AKAP17A: variants seen among roughly 807,000 people sequenced by gnomAD.
AKAP17A encodes A-kinase anchoring protein 17A, also known as A-kinase anchor protein 17A.
Under a neutral mutation model 52.2 loss-of-function variants are expected in AKAP17A, and 15 were observed. That is an observed-to-expected ratio of 0.29 (90% CI 0.19 to 0.44). AKAP17A has a LOEUF of 0.44. Ranked by LOEUF, AKAP17A falls within the 20% of genes least tolerant of loss-of-function variation. The pLI is 1.00. For synonymous variants in AKAP17A, 514 were observed against 424.7 expected, an observed-to-expected ratio of 1.21 and a Z score of -2.58; for missense variants, 1,060 against 1,007.0, an observed-to-expected ratio of 1.05 and a Z score of -0.71.
rs756475564 is a variant in AKAP17A, at chrX:1,601,494, G to A, written c.1988G>A (p.Arg663Gln). The change falls in exon 5 of 5, where the codon CGG (arginine) becomes CAG (glutamine). Residue 663 changes from arginine to glutamine, a missense_variant. Transcript: ENST00000313871. The stretch of plus-strand genomic sequence containing the variant: ...CACCGGAGGGAGCGGAGCCGGGAGC[G>A]GAGGGGCAGCGCCAGCAGGAAGCAC... The part of the protein sequence containing the change: ...DRHRRERSRE[R>Q]RGSASRKHSR... 24 of 1,547,844 alleles carry A rather than the reference G, an allele frequency of 1.6e-5. 1 individual carries two copies. The highest frequency in any genetic ancestry group is 7.9e-5 in the Admixed American group (4 of 50,756).
intron 3 of AKAP17A, among the ~76,000 whole-genome samples, chrX:1,598,149 G>A (rs1191898267): frequency 6.6e-6 from 1 of 152,222 alleles, no homozygotes; most frequent in Non-Finnish European, 1.5e-5. Flanking sequence ...AGGGCGTGCT[G>A]TGTGCTGGGC....
chrX:1,597,057 C>G (rs1221063963), intron 3 of AKAP17A, among the ~76,000 whole-genome samples: 5 of 152,218 alleles, frequency 3.3e-5, no homozygotes, highest in Non-Finnish European at 5.9e-5. Context: ...CTGGGGGGCT[C>G]CTGGACAGCC....
chrX:1,599,471 G>A (rs1294187165), intron 4 of AKAP17A, 39 bp downstream of exon 4: 69 of 1,552,058 alleles, frequency 4.4e-5, no homozygotes, highest in African/African-American at 1.1e-4. Flanking sequence ...AGCCGCGCCC[G>A]GGCTGCCCTC....
intron 3 of AKAP17A, among the ~76,000 whole-genome samples, chrX:1,596,235 A>AC (rs199626969): frequency 0.03 from 4,526 of 151,148 alleles, 245 homozygotes; most frequent in African/African-American, 0.11. Context: ...TTAAAAAAAA[A>AC]AAAAAAAACA....
intron 3 of AKAP17A, among the ~76,000 whole-genome samples, chrX:1,598,688 G>A (rs182574182): frequency 2.6e-4 from 40 of 152,266 alleles, no homozygotes; most frequent in Non-Finnish European, 5.0e-4. Context: ...GCTGAGTGGC[G>A]TGGCTGTGGT....
intron 4 of AKAP17A, 161 bp downstream of exon 4, chrX:1,599,593 G>A: frequency 9.9e-7 from 1 of 1,008,942 alleles, no homozygotes; most frequent in Non-Finnish European, 1.5e-6. Context: ...TCCCGGGAGG[G>A]TGTAGCGCTC....
intron 3 of AKAP17A, among the ~76,000 whole-genome samples, chrX:1,595,867 T>C (rs1932952184): frequency 6.6e-6 from 1 of 151,026 alleles, no homozygotes; most frequent in Admixed American, 6.6e-5. Flanking sequence ...ATAGCACACA[T>C]GTGCCTGTGT....
Position 1,599,683 on chromosome X carries a change from G to T in AKAP17A, c.1152+251G>T, listed in dbSNP as rs760759287. ...TGCATTCAGGTTCCCCGAGCAGGCT[G>T]GCAGCCTCCCGGGGGCCAGGGCAGA... is the stretch of plus-strand genomic sequence containing the variant. On this transcript the variant is annotated intron_variant, in intron 4 of 4. Transcript: ENST00000313871. 136 of 661,256 alleles carry T rather than the reference G, an allele frequency of 2.1e-4. No homozygotes were observed. In the African/African-American group the frequency reaches 2.3e-3, roughly 11 times the overall value. 41.0% of individuals were successfully genotyped at this position (661,256 alleles called of 1,614,324 possible).
At position 1,601,078 on chromosome X, in the gene AKAP17A, G is replaced by C. The variant is rs139252235; in HGVS notation, c.1572G>C (p.Glu524Asp). 6.2e-7 allele frequency: 1 copy of C among 1,613,638 alleles called. No homozygotes were observed. Among genetic ancestry groups the C allele is most frequent in the Non-Finnish European group, 8.5e-7 (1 of 1,179,710 alleles). Residue 524 changes from glutamate (E) to aspartate (D), a missense_variant, in exon 5 of 5, where the codon GAG (glutamate) becomes GAC (aspartate). Transcript: ENST00000313871. ...GSVAEEAPCK[E>D]VQSSCRVVPE... ...TGGCCGAGGAGGCCCCATGCAAGGA[G>C]GTTCAGAGCTCCTGTCGTGTGGTCC...
rs1569350715 is a variant in AKAP17A at position 1,596,478 on chromosome X, TTCCTCCTCCTCCTCCTC to T, written c.911+947_911+963del. ...CCTCCCACCCTCCTAGTGAGGTGGA[TTCCTCCTCCTCCTCCTC>T]CATCCCTCCCACCCTCCTAGTGAGG... On this transcript the variant is annotated intron_variant, in intron 3 of 4. Transcript: ENST00000313871. 3.8e-3 allele frequency among the ~76,000 whole-genome samples: 134 copies of T among 34,840 alleles called. 4 individuals are homozygous for T. Among genetic ancestry groups the T allele is most frequent in the African/African-American group, 0.02 (126 of 6,278 alleles). The allele number at this position is 34,840 out of a possible 152,430, so 22.9% of individuals were successfully genotyped here.
At chrX:1,599,762 C>G in intron 4 of AKAP17A, 1 of 609,476 alleles carries the variant, frequency 1.6e-6, no homozygotes, top group Non-Finnish European at 2.9e-6. Context: ...GGGGGCCGCT[C>G]CCTCTGGCCC....
chrX:1,597,280 C>A (rs1294718447), intron 3 of AKAP17A, among the ~76,000 whole-genome samples: 4 of 152,166 alleles, frequency 2.6e-5, no homozygotes, highest in African/African-American at 4.8e-5. Context: ...TGAATCTGAA[C>A]CCCGAGGGCT....
At position 1,601,319 on chromosome X, in the gene AKAP17A, C is replaced by T. The variant is rs371192080; in HGVS notation, c.1813C>T (p.Arg605Trp). Residue 605 changes from arginine (R) to tryptophan (W), a missense_variant, in exon 5 of 5, where the codon CGG (arginine) becomes TGG (tryptophan). Arg to Trp is a moderately radical substitution (Grantham distance 101). Around this residue, in one of 2 missense-constraint regions of AKAP17A, gnomAD observed 793 missense variants for 629.9 expected, o/e 1.26. Coordinates refer to ENST00000313871, the MANE Select transcript of AKAP17A (RefSeq NM_005088.3). Reference protein sequence around the residue: ...LADRHKRERSRARRASSREDG... With the variant: ...LADRHKRERSWARRASSREDG... ...TGACCGGCACAAGCGGGAGAGGAGC[C>T]GGGCCAGGCGGGCCAGCAGCAGGGA... 8.1e-6 allele frequency: 13 copies of T among 1,600,702 alleles called. No individual in the cohort carries two copies. The highest frequency in any genetic ancestry group is 2.7e-5 in the African/African-American group (2 of 74,636).
chrX:1,599,900 C>T (rs1393032759), intron 4 of AKAP17A: 26 of 552,974 alleles, frequency 4.7e-5, no homozygotes, highest in African/African-American at 1.3e-4. Flanking sequence ...GTCCCTCCTC[C>T]GCAGCGTGAA....
intron 3 of AKAP17A, among the ~76,000 whole-genome samples, chrX:1,598,356 C>G (rs1189728955): frequency 6.6e-6 from 1 of 152,158 alleles, no homozygotes; most frequent in Non-Finnish European, 1.5e-5. Context: ...GCCTGCTCCT[C>G]CTTGTCCCCG....
intron 3 of AKAP17A, among the ~76,000 whole-genome samples, chrX:1,598,266 G>A (rs181920529): frequency 1.6e-4 from 24 of 152,300 alleles, no homozygotes; most frequent in African/African-American, 4.6e-4. Context: ...CCCGGAGACC[G>A]TGTGGATCAC....
chrX:1,594,574 C>T (rs145412708), intron 2 of AKAP17A, among the ~76,000 whole-genome samples: 1,649 of 152,130 alleles, frequency 0.011, 21 homozygotes, highest in African/African-American at 0.037. Flanking sequence ...CAGGGCTGAA[C>T]GTTCCCTTTA....
chrX:1,598,449 A>G (rs1373362855), intron 3 of AKAP17A, among the ~76,000 whole-genome samples: 1 of 151,640 alleles, frequency 6.6e-6, no homozygotes, highest in East Asian at 1.9e-4. Flanking sequence ...GGCGGCGCCC[A>G]CCCGGGCTTC....
chrX:1,593,709 G>A lies in AKAP17A; in HGVS notation c.247G>A (p.Val83Met). The A allele has an allele frequency of 6.2e-7, 1 of 1,613,980 alleles. No homozygotes were observed. Among genetic ancestry groups the A allele is most frequent in the Admixed American group, 1.7e-5 (1 of 60,014 alleles). ...GGACTTCATCCGCTTCGAGGGGGAG[G>A]TGGAGAACAAGAGCCTGGTCAAGTC... The part of the protein sequence containing the change: ...TMDFIRFEGE[V>M]ENKSLVKSFL... The change falls in exon 2 of 5, where the codon GTG becomes ATG. Residue 83 changes from valine (V) to methionine (M), a missense_variant. Around this residue, in one of 2 missense-constraint regions of AKAP17A, gnomAD observed 267 missense variants for 377.1 expected, o/e 0.71. Transcript: ENST00000313871.
Sources: allele counts gnomAD v4.1 joint callset (sites outside exome capture counted in the v4.1 genomes callset), GRCh38; gene constraint gnomAD v4.1.1; regional missense constraint gnomAD v4.1.1; transcripts MANE v1.5; gene names NCBI Gene and HGNC (gene_info 2026-07-23, HGNC 2026-07-21).